Variants in ZBTB11 observed in about 807,000 individuals in gnomAD.
ZBTB11 encodes zinc finger and BTB domain containing 11, also known as zinc finger and BTB domain-containing protein 11.
In ZBTB11, 68 loss-of-function variants were observed where a neutral mutation model predicts 113.1. That is an observed-to-expected ratio of 0.60 (90% confidence interval 0.49 to 0.74). The LOEUF is 0.74. ZBTB11 is among the 30% of genes least tolerant of loss of function. ZBTB11 has a pLI of 0.00. For synonymous variants in ZBTB11, 518 were observed against 452.6 expected, an observed-to-expected ratio of 1.14 and a Z score of -1.83; for missense variants, 1,104 against 1,279.4, an observed-to-expected ratio of 0.86 and a Z score of 2.09.
intron 6 of ZBTB11, among the ~76,000 whole-genome samples, chr3:101,658,014 T>C (rs1436150474): frequency 6.6e-6 from 1 of 152,048 alleles, no homozygotes; most frequent in African/African-American, 2.4e-5. Flanking sequence ...AAATCTGATA[T>C]ATGAAAAAGA....
chr3:101,662,504 AT>A (rs1936908486), intron 5 of ZBTB11, among the ~76,000 whole-genome samples: 1 of 152,078 alleles, frequency 6.6e-6, no homozygotes. Context: ...CATGCCTGTA[AT>A]CCCAGCTACT....
intron 1 of ZBTB11, among the ~76,000 whole-genome samples, chr3:101,673,630 C>T (rs1342142718): frequency 6.6e-6 from 1 of 152,012 alleles, no homozygotes; most frequent in Non-Finnish European, 1.5e-5. Context: ...ACTCCCACCT[C>T]AGCCTCCCGA....
chr3:101,675,341 A>T (rs1049696662), intron 1 of ZBTB11, among the ~76,000 whole-genome samples: 1 of 152,266 alleles, frequency 6.6e-6, no homozygotes, highest in African/African-American at 2.4e-5. Context: ...ATATTGGTTT[A>T]AAGTGGAAAA....
In ZBTB11 at chr3:101,664,635, G is replaced by T; in HGVS notation, c.1703C>A (p.Ser568Tyr). The T allele has an allele frequency of 6.2e-7, 1 of 1,613,822 alleles. No homozygotes were observed. Among genetic ancestry groups the T allele is most frequent in the Non-Finnish European group, 8.5e-7 (1 of 1,179,942 alleles). Residue 568 changes from serine (S) to tyrosine (Y), a missense_variant, in exon 5 of 11, where the codon TCT (serine) becomes TAT (tyrosine). Transcript: ENST00000312938. ...CATTCCACATTCCCCACATTTATGA[G>T]ATGCTTCTTCTGTGTTCTCTTTAGC... is the stretch of plus-strand genomic sequence containing the variant. Reference protein sequence around the residue: ...RDAKENTEEASHKCGECGMVF... With the variant: ...RDAKENTEEAYHKCGECGMVF...
intron 6 of ZBTB11, among the ~76,000 whole-genome samples, chr3:101,657,240 T>C (rs1936814573): frequency 6.6e-6 from 1 of 151,568 alleles, no homozygotes; most frequent in Non-Finnish European, 1.5e-5. Flanking sequence ...GCAAAGTGAC[T>C]CATGCCTGTA....
intron 3 of ZBTB11, among the ~76,000 whole-genome samples, chr3:101,669,987 C>T (rs925596252): frequency 1.4e-4 from 22 of 152,130 alleles, no homozygotes; most frequent in Admixed American, 1.4e-3. Flanking sequence ...CGCCACCGTG[C>T]CCAACTAATT....
intron 8 of ZBTB11, among the ~76,000 whole-genome samples, chr3:101,654,441 G>T (rs543434114): frequency 6.6e-6 from 1 of 152,260 alleles, no homozygotes; most frequent in South Asian, 2.1e-4. Context: ...GAAACTGGCT[G>T]GCAGTGAGAC....
At chr3:101,655,879 C>A (rs1306243000) in intron 7 of ZBTB11, 2 of 211,144 alleles carry the variant, frequency 9.5e-6, no homozygotes, top group Non-Finnish European at 1.9e-5. Flanking sequence ...CCAGGATGGT[C>A]TCAATCTCCT....
At chr3:101,671,899 G>C (rs1937091946) in intron 2 of ZBTB11, 79 bp downstream of exon 2, 1 of 1,142,326 alleles carries the variant, frequency 8.8e-7, no homozygotes, top group Non-Finnish European at 1.3e-6. Flanking sequence ...TTAGTGGTTT[G>C]AGAAAAATAA....
rs775069455 is a variant in ZBTB11, at chr3:101,665,031, C to T, written c.1556G>A (p.Arg519Gln). ...QRSVNEGAYI[R>Q]LHKGMEKKLQ... The stretch of plus-strand genomic sequence containing the variant: ...CTTTTTCTCCATTCCCTTGTGTAGT[C>T]GAATATATGCCCCTTCATTAACAGA... The change falls in exon 4 of 11, where the codon CGA (arginine) becomes CAA (glutamine). Residue 519 changes from arginine (R) to glutamine (Q), a missense_variant. Physicochemically the swap from Arg to Gln is conservative, Grantham distance 43. Around this residue, in one of 5 missense-constraint regions of ZBTB11, gnomAD observed 535 missense variants for 518.6 expected, o/e 1.03. Coordinates refer to ENST00000312938, the MANE Select transcript of ZBTB11 (RefSeq NM_014415.4). 3 of 1,614,074 alleles carry T rather than the reference C, an allele frequency of 1.9e-6. No homozygotes were observed. Among genetic ancestry groups the T allele is most frequent in the Non-Finnish European group, 1.7e-6 (2 of 1,180,004 alleles).
chr3:101,676,295 G>C (rs1937170224), intron 1 of ZBTB11, among the ~76,000 whole-genome samples: 1 of 152,242 alleles, frequency 6.6e-6, no homozygotes, highest in Non-Finnish European at 1.5e-5. Flanking sequence ...ACAGCCTCAA[G>C]GGGCCGCCCA....
chr3:101,671,688 A>AGT, intron 2 of ZBTB11: 1 of 581,518 alleles, frequency 1.7e-6, no homozygotes, highest in Non-Finnish European at 3.0e-6. Context: ...AAACTCAGAG[A>AGT]CTGCTTCCAG....
chr3:101,660,104 CTTTG>C (rs1936863197), intron 5 of ZBTB11, 76 bp from the exon 6 acceptor site: 4 of 1,447,866 alleles, frequency 2.8e-6, no homozygotes, highest in East Asian at 2.3e-5. Context: ...CATATTTGGA[CTTTG>C]TTTTTGTTAC....
intron 3 of ZBTB11, among the ~76,000 whole-genome samples, chr3:101,670,131 A>G (rs1389806657): frequency 6.6e-6 from 1 of 152,182 alleles, no homozygotes; most frequent in Non-Finnish European, 1.5e-5. Context: ...CCTGGCCGTT[A>G]TTATTGCTTT....
At chr3:101,655,527 T>TA (rs1427361806) in intron 7 of ZBTB11, among the ~76,000 whole-genome samples, 1 of 152,240 alleles carries the variant, frequency 6.6e-6, no homozygotes, top group Non-Finnish European at 1.5e-5. Context: ...TTTAACTTTT[T>TA]AAAAGCATGA....
At chr3:101,671,001 C>T (rs1009843706) in intron 3 of ZBTB11, 129 bp downstream of exon 3, 3 of 716,730 alleles carry the variant, frequency 4.2e-6, no homozygotes, top group Non-Finnish European at 7.0e-6. Context: ...CTTTTCAGTA[C>T]AGCTTAGTCT....
chr3:101,669,475 T>C (rs751225689), intron 3 of ZBTB11, among the ~76,000 whole-genome samples: 5 of 152,376 alleles, frequency 3.3e-5, no homozygotes, highest in Middle Eastern at 3.4e-3. Context: ...ATTAGGATGC[T>C]GTGCCATAGT....
chr3:101,656,642 A>T (rs1348725629), intron 6 of ZBTB11, among the ~76,000 whole-genome samples: 5 of 151,484 alleles, frequency 3.3e-5, no homozygotes, highest in African/African-American at 7.3e-5. Context: ...AGAACTAATT[A>T]TTTTTTTTTC....
Position 101,664,649 on chromosome 3 carries a change from GT to G in ZBTB11, c.1688del (p.Asn563ThrfsTer23). On this transcript the variant is annotated frameshift_variant, in exon 5 of 11. Coordinates refer to ENST00000312938, the MANE Select transcript of ZBTB11 (RefSeq NM_014415.4). LOFTEE classifies it high-confidence loss of function. ...CACATTTATGAGATGCTTCTTCTGT[GT>G]TCTCTTTAGCATCTCTTTTTGGCTG... ...MKQPKRDAKE[N>X]TEEASHKCGE... The G allele has an allele frequency of 6.2e-7, 1 of 1,613,582 alleles. No individual in the cohort carries two copies. The highest frequency in any genetic ancestry group is 8.5e-7 in the Non-Finnish European group (1 of 1,179,846).
Sources: gnomAD v4.1 joint callset for allele counts (sites outside exome capture counted in the v4.1 genomes callset) on GRCh38, gnomAD v4.1.1 for gene constraint, gnomAD v4.1.1 regional missense constraint, MANE v1.5 for transcripts, NCBI Gene and HGNC (gene_info 2026-07-23, HGNC 2026-07-21) for gene names.